Variants in SLC16A7 observed in about 807,000 individuals in gnomAD.
SLC16A7 encodes monocarboxylate transporter 2.
In SLC16A7, 33 loss-of-function variants were observed where a neutral mutation model predicts 34.9. The ratio of observed to expected loss-of-function variants is 0.94; its 90% CI spans 0.72 to 1.26. The LOEUF (loss-of-function observed/expected upper bound fraction) is 1.26, where lower values mean the gene tolerates loss of function less well. Among genes scored for constraint, SLC16A7 ranks in the 50% most tolerant of loss-of-function variants. The pLI is 0.00. For missense variants in SLC16A7, 573 were observed against 578.1 expected (o/e 0.99, Z 0.09); for synonymous variants, 201 against 206.6 (o/e 0.97, Z 0.23).
At chr12:59,755,790 C>T (rs1376547150) in intron 3 of SLC16A7, among the ~76,000 whole-genome samples, 1 of 152,160 alleles carries the variant, frequency 6.6e-6, no homozygotes, top group East Asian at 1.9e-4. Flanking sequence ...AAGGAGCCCT[C>T]ATCGCCAAGT....
chr12:59,712,678 C>A (rs143527757), intron 3 of SLC16A7, among the ~76,000 whole-genome samples: 149 of 152,270 alleles, frequency 9.8e-4, no homozygotes, highest in African/African-American at 3.4e-3. Flanking sequence ...ATTAATAATC[C>A]ATTCACGCAA....
intron 3 of SLC16A7, among the ~76,000 whole-genome samples, chr12:59,765,719 C>T (rs547317954): frequency 3.9e-5 from 6 of 152,070 alleles, no homozygotes; most frequent in East Asian, 3.9e-4. Context: ...AGTATCATGC[C>T]GTTTTGGTGA....
In SLC16A7 at chr12:59,765,046, T is replaced by C. The variant is rs1029811689; in HGVS notation, c.218-6173T>C. Among the ~76,000 whole-genome samples, 4 of 152,346 alleles carry C rather than the reference T, an allele frequency of 2.6e-5. 1 individual carries two copies. The highest frequency in any genetic ancestry group is 6.5e-5 in the Admixed American group (1 of 15,300). On this transcript the variant is annotated intron_variant, in intron 3 of 5. Coordinates refer to ENST00000547379, the MANE Select transcript of SLC16A7 (RefSeq NM_001270623.2). ...ATTCTAACTGGTGTGAGATGGTATCTCATTGTGGTTTTGATTTGCATTTCT... is the reference window on the plus strand; with the variant it reads ...ATTCTAACTGGTGTGAGATGGTATCCCATTGTGGTTTTGATTTGCATTTCT...
intron 3 of SLC16A7, among the ~76,000 whole-genome samples, chr12:59,749,499 A>G (rs1312749453): frequency 6.6e-6 from 1 of 152,152 alleles, no homozygotes; most frequent in East Asian, 1.9e-4. Flanking sequence ...TACACAAAAT[A>G]TCTCATTCAG....
intron 3 of SLC16A7, among the ~76,000 whole-genome samples, chr12:59,734,601 C>G (rs773282313): frequency 5.3e-5 from 8 of 152,230 alleles, no homozygotes; most frequent in Admixed American, 1.3e-4. Flanking sequence ...CTGGCCCCTG[C>G]CGGCTTTGCA....
At chr12:59,743,574 A>C (rs1348999329) in intron 3 of SLC16A7, among the ~76,000 whole-genome samples, 1 of 152,220 alleles carries the variant, frequency 6.6e-6, no homozygotes, top group Admixed American at 6.5e-5. Flanking sequence ...GGAATGAACA[A>C]ATTTTTTCAC....
intron 3 of SLC16A7, among the ~76,000 whole-genome samples, chr12:59,727,583 G>T (rs957743287): frequency 2.0e-5 from 3 of 152,120 alleles, no homozygotes; most frequent in African/African-American, 7.2e-5. Flanking sequence ...TGCTTTCAAA[G>T]GAGTTGTTGT....
intron 3 of SLC16A7, among the ~76,000 whole-genome samples, chr12:59,738,250 C>T (rs965213320): frequency 2.0e-5 from 3 of 152,118 alleles, no homozygotes; most frequent in Non-Finnish European, 4.4e-5. Flanking sequence ...AGAATGAAAT[C>T]TTTCTGCCAA....
chr12:59,682,956 C>A (rs1457838122), intron 2 of SLC16A7, among the ~76,000 whole-genome samples: 5 of 152,040 alleles, frequency 3.3e-5, no homozygotes, highest in African/African-American at 4.8e-5. Flanking sequence ...ATCCCAGCTA[C>A]TCAGGAGGCT....
At chr12:59,704,541 A>G (rs564931016) in intron 2 of SLC16A7, among the ~76,000 whole-genome samples, 2 of 152,154 alleles carry the variant, frequency 1.3e-5, no homozygotes, top group East Asian at 3.9e-4. Flanking sequence ...TTTTGTTTCA[A>G]TAATCAAATT....
rs1378343935 is a variant in SLC16A7 at position 59,788,405 on chromosome 12, T to C, written c.*8726T>C. ...AGTTGTCTTGTTTATTCTATAGATA[T>C]CTTAATGACCACTGAACAAATGATC... is the stretch of plus-strand genomic sequence containing the variant. On this transcript the variant is annotated 3_prime_UTR_variant, in exon 6 of 6. Coordinates refer to ENST00000547379, the MANE Select transcript of SLC16A7 (RefSeq NM_001270623.2). The C allele has an allele frequency of 1.3e-5, 2 of 152,076 alleles. No individual in the cohort carries two copies. The highest frequency in any genetic ancestry group is 2.9e-5 in the Non-Finnish European group (2 of 67,956). 9.4% of individuals were successfully genotyped at this position (152,076 alleles called of 1,614,324 possible).
Position 59,775,414 on chromosome 12 carries a change from T to G in SLC16A7, c.1119T>G (p.Ser373Arg). 6.2e-7 allele frequency: 1 copy of G among 1,614,126 alleles called. No homozygotes were observed. Among genetic ancestry groups the G allele is most frequent in the Non-Finnish European group, 8.5e-7 (1 of 1,179,970 alleles). Residue 373 changes from serine to arginine, a missense_variant, in exon 5 of 6, where the codon AGT (serine) becomes AGG (arginine). By Grantham distance (110) the Ser-to-Arg change is moderately radical. Coordinates refer to ENST00000547379, the MANE Select transcript of SLC16A7 (RefSeq NM_001270623.2). ...MDLVGAPRFSSAVGLVTIVEC... is the reference protein window; with the variant it reads ...MDLVGAPRFSRAVGLVTIVEC... Reference sequence around the variant, plus strand: ...TCGTGGGTGCACCAAGATTTTCCAGTGCCGTCGGACTTGTCACAATTGTGG... The same window carrying G: ...TCGTGGGTGCACCAAGATTTTCCAGGGCCGTCGGACTTGTCACAATTGTGG...
At chr12:59,606,482 A>G (rs1878945080) in intron 1 of SLC16A7, among the ~76,000 whole-genome samples, 1 of 152,186 alleles carries the variant, frequency 6.6e-6, no homozygotes, top group African/African-American at 2.4e-5. Context: ...GATGTCATTT[A>G]AGTGTCTTCT....
chr12:59,764,805 G>A (rs1457943584), intron 3 of SLC16A7, among the ~76,000 whole-genome samples: 1 of 152,070 alleles, frequency 6.6e-6, no homozygotes, highest in Non-Finnish European at 1.5e-5. Flanking sequence ...GTGTGCATGT[G>A]TCTTTATAGC....
rs760920284 is a variant in SLC16A7 at position 59,704,863 on chromosome 12, T to C, written c.62T>C (p.Ile21Thr). The C allele has an allele frequency of 5.6e-6, 9 of 1,613,892 alleles. No homozygotes were observed. Among genetic ancestry groups the C allele is most frequent in the African/African-American group, 1.3e-5 (1 of 75,030 alleles). The change falls in exon 3 of 6, where the codon ATT (isoleucine) becomes ACT (threonine). Residue 21 changes from isoleucine to threonine, a missense_variant. Transcript: ENST00000547379. ...CCTCCAGATGGAGGATGGGGTTGGA[T>C]TGTGGTTGGAGCAGCTTTTATCTCC... is the stretch of plus-strand genomic sequence containing the variant. The part of the protein sequence containing the change: ...HPPPDGGWGW[I>T]VVGAAFISIG...
At chr12:59,662,004 G>A (rs1746736599) in intron 2 of SLC16A7, among the ~76,000 whole-genome samples, 1 of 146,144 alleles carries the variant, frequency 6.8e-6, no homozygotes, top group Non-Finnish European at 1.5e-5. Flanking sequence ...ACTCTTTCCA[G>A]GAAAAGAATA....
intron 1 of SLC16A7, among the ~76,000 whole-genome samples, chr12:59,635,792 G>A (rs958793195): frequency 1.3e-5 from 2 of 151,902 alleles, no homozygotes; most frequent in African/African-American, 4.8e-5. Flanking sequence ...TTCTTCTTCA[G>A]AGGAAGGTAG....
intron 2 of SLC16A7, among the ~76,000 whole-genome samples, chr12:59,681,839 C>G (rs1870771879): frequency 6.6e-6 from 1 of 151,952 alleles, no homozygotes; most frequent in South Asian, 2.1e-4. Context: ...TTTTCTTAGG[C>G]CCCTGAGGAA....
chr12:59,613,846 A>G (rs1008491775), intron 1 of SLC16A7, among the ~76,000 whole-genome samples: 4 of 152,210 alleles, frequency 2.6e-5, no homozygotes, highest in Admixed American at 1.3e-4. Flanking sequence ...TCAAACAAAA[A>G]GTTATGTAAA....
Sources: allele counts gnomAD v4.1 joint callset (sites outside exome capture counted in the v4.1 genomes callset), GRCh38; gene constraint gnomAD v4.1.1; transcripts MANE v1.5; gene names NCBI Gene and HGNC (gene_info 2026-07-23, HGNC 2026-07-21).